TMEM114: variants seen among roughly 807,000 people sequenced by gnomAD.
TMEM114 encodes transmembrane protein 114, also known as claudin-26.
In TMEM114, 6 loss-of-function variants were observed where a neutral mutation model predicts 6.2. The observed-to-expected ratio is 0.97, with a 90% CI of 0.53 to 1.91. The LOEUF (loss-of-function observed/expected upper bound fraction) is 1.91, where lower values mean the gene tolerates loss of function less well. Ranked by LOEUF, TMEM114 falls within the 40% of genes most tolerant of loss-of-function variation. The pLI, the probability that TMEM114 is intolerant of heterozygous loss-of-function variation, is 0.01. For missense variants in TMEM114, 218 were observed against 158.3 expected (o/e 1.38, Z -2.02); for synonymous variants, 104 against 73.0 (o/e 1.42, Z -2.16).
intron 2 of TMEM114, among the ~76,000 whole-genome samples, chr16:8,549,770 A>G (rs1900785851): frequency 2.0e-5 from 3 of 152,098 alleles, no homozygotes. Flanking sequence ...AAGTAACAGA[A>G]CTTCTACCTG....
intron 2 of TMEM114, among the ~76,000 whole-genome samples, chr16:8,546,815 C>T (rs546174286): frequency 6.6e-6 from 1 of 152,328 alleles, no homozygotes; most frequent in South Asian, 2.1e-4. Context: ...GTTTCGCTCT[C>T]CTCTATCTTC....
chr16:8,563,522 T>A (rs1341686292), intron 2 of TMEM114, among the ~76,000 whole-genome samples: 2 of 150,460 alleles, frequency 1.3e-5, no homozygotes, highest in African/African-American at 2.5e-5. Flanking sequence ...AAAGAGTGAG[T>A]GAATGAGTAA....
chr16:8,539,074 A>T (rs74007838), intron 2 of TMEM114, among the ~76,000 whole-genome samples: 6,417 of 152,134 alleles, frequency 0.042, 353 homozygotes, highest in African/African-American at 0.13. Flanking sequence ...CGTATTTGTG[A>T]GTTGCGATTT....
chr16:8,570,170 C>G (rs1354235006), intron 3 of TMEM114, among the ~76,000 whole-genome samples, 165 bp from the exon 4 acceptor site: 1 of 152,192 alleles, frequency 6.6e-6, no homozygotes, highest in Non-Finnish European at 1.5e-5. Flanking sequence ...TGCATTCACC[C>G]CTGCTTCTCT....
At chr16:8,528,194 C>G in the TMEM114 span, among the ~76,000 whole-genome samples, 2 of 152,042 alleles carry the variant, frequency 1.3e-5, no homozygotes, top group African/African-American at 4.8e-5. Flanking sequence ...AGCCACCATG[C>G]CAGAACTAGT....
chr16:8,564,686 TG>T (rs1901463182), downstream of TMEM114, among the ~76,000 whole-genome samples: 3 of 16,834 alleles, frequency 1.8e-4, no homozygotes, highest in African/African-American at 7.7e-4. Flanking sequence ...AGTGAATGAG[TG>T]AGTGAATGAG....
intron 1 of TMEM114, 23 bp downstream of exon 1, chr16:8,589,596 C>A (rs1449349047): frequency 5.0e-6 from 2 of 398,516 alleles, no homozygotes; most frequent in East Asian, 7.1e-5. Flanking sequence ...GCCACAGCTC[C>A]CAGCCACGGG....
intron 2 of TMEM114, among the ~76,000 whole-genome samples, chr16:8,575,955 G>T (rs983346967): frequency 2.0e-5 from 3 of 152,170 alleles, no homozygotes; most frequent in Non-Finnish European, 2.9e-5. Context: ...TCCTGTGATG[G>T]AGAGAAAGAA....
chr16:8,585,775 G>C (rs529424035), intron 2 of TMEM114, among the ~76,000 whole-genome samples: 2 of 152,242 alleles, frequency 1.3e-5, no homozygotes, highest in East Asian at 1.9e-4. Context: ...ACCACATTAG[G>C]CTCTTTAAAT....
chr16:8,568,262 C>G (rs537471568), downstream of TMEM114, among the ~76,000 whole-genome samples: 1 of 152,176 alleles, frequency 6.6e-6, no homozygotes, highest in South Asian at 2.1e-4. Flanking sequence ...AGGTCTGGGT[C>G]TGGAGGAGTC....
At chr16:8,531,221 G>T in the TMEM114 span, among the ~76,000 whole-genome samples, 3 of 152,142 alleles carry the variant, frequency 2.0e-5, no homozygotes, top group African/African-American at 7.2e-5. Flanking sequence ...GCATGCTAAT[G>T]GCCTAATTCA....
chr16:8,552,603 T>C (rs906752692), intron 2 of TMEM114, among the ~76,000 whole-genome samples: 2 of 152,032 alleles, frequency 1.3e-5, no homozygotes, highest in Non-Finnish European at 2.9e-5. Context: ...ACTGCAGTTA[T>C]GTAGGATGTC....
chr16:8,567,341 G>T (rs7194717), downstream of TMEM114, among the ~76,000 whole-genome samples: 37,721 of 152,122 alleles, frequency 0.25, 5,100 homozygotes, highest in Middle Eastern at 0.38. Flanking sequence ...CCACCCCCAT[G>T]AATGTGTCCC....
At chr16:8,549,501 G>GAAAA (rs57591057) in intron 2 of TMEM114, among the ~76,000 whole-genome samples, 1 of 106,896 alleles carries the variant, frequency 9.4e-6, no homozygotes. Flanking sequence ...ACTCCGTCTC[G>GAAAA]AAAAAAAAAA....
chr16:8,555,334 G>C (rs1264280862), intron 2 of TMEM114, among the ~76,000 whole-genome samples: 2 of 152,226 alleles, frequency 1.3e-5, no homozygotes, highest in Admixed American at 1.3e-4. Context: ...TCCTGCAAGA[G>C]CAGGGCTACC....
chr16:8,528,570 C>T, the TMEM114 span, among the ~76,000 whole-genome samples: 1 of 152,164 alleles, frequency 6.6e-6, no homozygotes, highest in African/African-American at 2.4e-5. Context: ...AGGCTTTTGA[C>T]AGATCAGAGT....
At chr16:8,582,136 A>G (rs1902173312) in intron 2 of TMEM114, among the ~76,000 whole-genome samples, 1 of 152,204 alleles carries the variant, frequency 6.6e-6, no homozygotes, top group Admixed American at 6.5e-5. Flanking sequence ...GCCTCCTCAG[A>G]GGACAGCGTG....
intron 2 of TMEM114, among the ~76,000 whole-genome samples, chr16:8,538,884 A>G (rs943081013): frequency 2.0e-5 from 3 of 152,162 alleles, no homozygotes; most frequent in Admixed American, 6.5e-5. Flanking sequence ...AATACAGTAG[A>G]TAAATTTGTC....
chr16:8,540,874 T>C (rs1900497031), intron 2 of TMEM114, among the ~76,000 whole-genome samples: 1 of 152,190 alleles, frequency 6.6e-6, no homozygotes, highest in African/African-American at 2.4e-5. Flanking sequence ...ATGAGAGGTA[T>C]CAGGGCAGGC....
Sources: gnomAD v4.1 joint callset for allele counts (sites outside exome capture counted in the v4.1 genomes callset) on GRCh38, gnomAD v4.1.1 for gene constraint, MANE v1.5 for transcripts, NCBI Gene and HGNC (gene_info 2026-07-23, HGNC 2026-07-21) for gene names.